CEP85L: variants seen among roughly 807,000 people sequenced by gnomAD.
The protein encoded by CEP85L is centrosomal protein of 85 kDa-like.
A neutral mutation model predicts 100.3 loss-of-function variants in CEP85L; 60 were observed. The ratio of observed to expected loss-of-function variants is 0.60; its 90% CI spans 0.49 to 0.74. CEP85L has a LOEUF of 0.74. CEP85L is among the 30% of genes least tolerant of loss of function. The pLI is 0.00. For missense variants in CEP85L, 973 were observed against 936.2 expected, an observed-to-expected ratio of 1.04 and a Z score of -0.51; for synonymous variants, 319 against 322.7, an observed-to-expected ratio of 0.99 and a Z score of 0.12.
intron 1 of CEP85L, among the ~76,000 whole-genome samples, chr6:118,681,261 T>G (rs13194418): frequency 1.6e-4 from 25 of 152,266 alleles, no homozygotes; most frequent in Non-Finnish European, 2.9e-4. Context: ...TTGTTTGTTT[T>G]TTACAGGAAA....
At chr6:118,689,804 C>T (rs62423993) in intron 1 of CEP85L, among the ~76,000 whole-genome samples, 33,850 of 152,038 alleles carry the variant, frequency 0.22, 4,825 homozygotes, top group Non-Finnish European at 0.32. Flanking sequence ...TGCATTCTTG[C>T]CTCTTCACAA....
chr6:118,696,627 C>A (rs552312602), intron 1 of CEP85L, among the ~76,000 whole-genome samples: 21 of 152,302 alleles, frequency 1.4e-4, no homozygotes, highest in African/African-American at 5.1e-4. Flanking sequence ...GAATGACTAA[C>A]ATTTGCAGAG....
At position 118,559,015 on chromosome 6, in the gene CEP85L, T is replaced by C. The variant is rs1489656774; in HGVS notation, c.1020+6514A>G. On this transcript the variant is annotated intron_variant, in intron 3 of 12. Transcript: ENST00000368491. ...AGCACGTCAAAAGCTACAGAATCTA[T>C]TTATCAATTTCTGTCTCATCTTAAT... The C allele has an allele frequency of 1.2e-6, 2 of 1,605,468 alleles. No homozygotes were observed. Among genetic ancestry groups the C allele is most frequent in the South Asian group, 2.2e-5 (2 of 90,898 alleles).
At chr6:118,544,516 A>T (rs1042568587) in intron 3 of CEP85L, among the ~76,000 whole-genome samples, 1 of 152,166 alleles carries the variant, frequency 6.6e-6, no homozygotes, top group African/African-American at 2.4e-5. Context: ...CCTTGAAGCC[A>T]CGTAGCATGC....
chr6:118,592,177 C>A (rs914601805), intron 2 of CEP85L, among the ~76,000 whole-genome samples: 3 of 152,100 alleles, frequency 2.0e-5, no homozygotes, highest in Admixed American at 1.3e-4. Flanking sequence ...TCTCTCAGGG[C>A]TTTTCTCCCT....
chr6:118,565,320 A>G, intron 3 of CEP85L: 1 of 581,220 alleles, frequency 1.7e-6, no homozygotes, highest in South Asian at 2.3e-5. Context: ...GCTAGGTACA[A>G]GGTTTTCAGA....
chr6:118,537,976 G>A, intron 3 of CEP85L: 3 of 828,128 alleles, frequency 3.6e-6, no homozygotes, highest in Non-Finnish European at 4.4e-6. Flanking sequence ...ACAAAGCTCA[G>A]TAATGAAGAT....
At chr6:118,509,466 A>C (rs1775845679) in intron 5 of CEP85L, among the ~76,000 whole-genome samples, 1 of 152,092 alleles carries the variant, frequency 6.6e-6, no homozygotes, top group Non-Finnish European at 1.5e-5. Context: ...CCAAGATGAG[A>C]CCAAATTATA....
intron 1 of CEP85L, among the ~76,000 whole-genome samples, chr6:118,660,885 C>CTTTTTTT (rs57604070): frequency 6.7e-6 from 1 of 149,600 alleles, no homozygotes. Context: ...TTCTTTTTTT[C>CTTTTTTT]TTTTTTTTTT....
intron 2 of CEP85L, among the ~76,000 whole-genome samples, chr6:118,577,479 G>A (rs940100683): frequency 2.0e-5 from 3 of 152,146 alleles, no homozygotes; most frequent in Admixed American, 6.5e-5. Context: ...TGAATTTAAA[G>A]CCCAAAATCA....
At chr6:118,513,289 AT>A (rs1350926650) in intron 4 of CEP85L, among the ~76,000 whole-genome samples, 3 of 152,144 alleles carry the variant, frequency 2.0e-5, no homozygotes, top group Non-Finnish European at 2.9e-5. Flanking sequence ...CAGAAAAAAA[AT>A]ATTTGTGTAT....
At chr6:118,544,031 G>A (rs979755210) in intron 3 of CEP85L, among the ~76,000 whole-genome samples, 2 of 152,158 alleles carry the variant, frequency 1.3e-5, no homozygotes, top group Admixed American at 1.3e-4. Flanking sequence ...AAAGGTATGA[G>A]CCTCCAATTT....
intron 2 of CEP85L, among the ~76,000 whole-genome samples, chr6:118,582,473 A>C (rs1780629282): frequency 6.6e-6 from 1 of 152,228 alleles, no homozygotes; most frequent in African/African-American, 2.4e-5. Flanking sequence ...CTCCTGTAGC[A>C]GACCAAGGAG....
At chr6:118,545,898 A>AT (rs1380170582) in intron 3 of CEP85L, among the ~76,000 whole-genome samples, 2 of 152,170 alleles carry the variant, frequency 1.3e-5, no homozygotes, top group Non-Finnish European at 2.9e-5. Flanking sequence ...TATTCCACAG[A>AT]TTAGGCTGCT....
At chr6:118,668,148 A>C (rs1776187328) in intron 1 of CEP85L, among the ~76,000 whole-genome samples, 1 of 152,216 alleles carries the variant, frequency 6.6e-6, no homozygotes, top group African/African-American at 2.4e-5. Context: ...TCTAACCATT[A>C]TATTATATAC....
At position 118,482,746 on chromosome 6, in the gene CEP85L, T is replaced by G. The variant is rs934055493; in HGVS notation, c.1591-813A>C. 1.4e-4 allele frequency among the ~76,000 whole-genome samples: 21 copies of G among 152,354 alleles called. 3 individuals are homozygous for G. Among genetic ancestry groups the G allele is most frequent in the Admixed American group, 7.2e-4 (11 of 15,300 alleles). On this transcript the variant is annotated intron_variant, in intron 7 of 12. Coordinates refer to ENST00000368491, the MANE Select transcript of CEP85L (RefSeq NM_001042475.3). Reference sequence around the variant, plus strand: ...TTCTGACATATTTTCTAATACCCATTGCCCTCTGTTCCTGCTCATGCAACC... The same window carrying G: ...TTCTGACATATTTTCTAATACCCATGGCCCTCTGTTCCTGCTCATGCAACC...
Position 118,680,589 on chromosome 6 carries a change from A to AT in CEP85L, c.-27-27782dup, listed in dbSNP as rs1776625648. Among the ~76,000 whole-genome samples, 7 of 152,284 alleles carry AT rather than the reference A, an allele frequency of 4.6e-5. No individual in the cohort carries two copies. In the South Asian group the frequency reaches 1.5e-3, roughly 32 times the overall value. On this transcript the variant is annotated intron_variant, in intron 1 of 13. Coordinates refer to the CEP85L transcript ENST00000368488. ...ATGATCTAACACAGCTAATAAAGAC[A>AT]TTCTGGGCAGGGCACAGTGGCTCAC...
intron 1 of CEP85L, among the ~76,000 whole-genome samples, chr6:118,697,576 C>G (rs971322033): frequency 6.6e-6 from 1 of 152,012 alleles, no homozygotes; most frequent in African/African-American, 2.4e-5. Context: ...TGCCAGCTTA[C>G]TCTCAGAGCT....
chr6:118,616,875 G>C (rs1773089669), intron 2 of CEP85L, among the ~76,000 whole-genome samples: 1 of 151,490 alleles, frequency 6.6e-6, no homozygotes, highest in Non-Finnish European at 1.5e-5. Context: ...AACCCGGGAG[G>C]CGGAGCTTGC....
Sources: allele counts gnomAD v4.1 joint callset (sites outside exome capture counted in the v4.1 genomes callset), GRCh38; gene constraint gnomAD v4.1.1; transcripts MANE v1.5; gene names NCBI Gene and HGNC (gene_info 2026-07-23, HGNC 2026-07-21).